The following CHODL variants were observed in gnomAD, a reference collection of about 807,000 sequenced individuals.
The protein encoded by CHODL is chondrolectin, also known as transmembrane protein MT75.
In CHODL, 29 loss-of-function variants were observed where a neutral mutation model predicts 34.5. The observed-to-expected ratio is 0.84, with a 90% CI of 0.63 to 1.15. The LOEUF is 1.15. CHODL is among the 50% of genes most tolerant of loss of function. The pLI is 0.00. For missense variants in CHODL, 332 were observed against 332.5 expected (o/e 1.00, Z 0.01); for synonymous variants, 125 against 116.1 (o/e 1.08, Z -0.49).
chr21:18,120,124 T>C (rs1477136287), intron 2 of CHODL, among the ~76,000 whole-genome samples: 2 of 152,142 alleles, frequency 1.3e-5, no homozygotes, highest in Non-Finnish European at 2.9e-5. Context: ...TAAAGATATA[T>C]ATTTGTAGAT....
intron 2 of CHODL, among the ~76,000 whole-genome samples, chr21:18,145,364 G>C (rs2072865176): frequency 6.8e-6 from 1 of 147,836 alleles, no homozygotes; most frequent in Non-Finnish European, 1.5e-5. Context: ...GTGAACCCGG[G>C]AGGCGGAGCT....
At chr21:18,056,409 T>C (rs1439039322) in intron 2 of CHODL, among the ~76,000 whole-genome samples, 1 of 151,600 alleles carries the variant, frequency 6.6e-6, no homozygotes, top group African/African-American at 2.4e-5. Flanking sequence ...ATTTGTAGAA[T>C]CTTTTCTTTG....
chr21:18,202,725 T>C (rs560430936), intron 2 of CHODL, among the ~76,000 whole-genome samples: 1 of 152,374 alleles, frequency 6.6e-6, no homozygotes, highest in South Asian at 2.1e-4. Context: ...TCATGTTTCT[T>C]AGTGATTTTA....
At chr21:18,177,410 T>C (rs2073329402) in intron 2 of CHODL, among the ~76,000 whole-genome samples, 1 of 152,124 alleles carries the variant, frequency 6.6e-6, no homozygotes, top group South Asian at 2.1e-4. Flanking sequence ...ATATAGATAT[T>C]TATTGTTTGC....
intron 1 of CHODL, chr21:18,245,761 C>T (rs953285835): frequency 8.3e-5 from 54 of 647,006 alleles, no homozygotes; most frequent in Non-Finnish European, 1.2e-4. Flanking sequence ...TTTCTGTGAC[C>T]AGATCAGTTC....
intron 1 of CHODL, among the ~76,000 whole-genome samples, chr21:17,971,003 G>A (rs1036304388): frequency 6.6e-6 from 1 of 152,074 alleles, no homozygotes. Flanking sequence ...CTGTTGGTGT[G>A]TTAGTTTGCT....
chr21:18,052,889 A>AGGG (rs2064534007), intron 2 of CHODL, among the ~76,000 whole-genome samples: 5 of 146,986 alleles, frequency 3.4e-5, no homozygotes, highest in African/African-American at 1.3e-4. Context: ...GCGAAGGGGT[A>AGGG]AATGTTTTAG....
At chr21:18,131,162 G>C (rs1250348403) in intron 2 of CHODL, among the ~76,000 whole-genome samples, 1 of 152,024 alleles carries the variant, frequency 6.6e-6, no homozygotes, top group Non-Finnish European at 1.5e-5. Context: ...CAGAGAGAGA[G>C]AGAGAGATTG....
At chr21:18,155,173 G>A (rs77520715) in intron 2 of CHODL, among the ~76,000 whole-genome samples, 2,016 of 152,200 alleles carry the variant, frequency 0.013, 19 homozygotes, top group Non-Finnish European at 0.02. Flanking sequence ...TCATAATTGG[G>A]AAACAAATGA....
chr21:18,225,804 A>T (rs1238580683), intron 2 of CHODL, among the ~76,000 whole-genome samples: 1 of 152,156 alleles, frequency 6.6e-6, no homozygotes, highest in Non-Finnish European at 1.5e-5. Context: ...TAGAAACCAG[A>T]CACATAACAG....
intron 2 of CHODL, among the ~76,000 whole-genome samples, chr21:18,171,907 T>A (rs1435612599): frequency 1.3e-5 from 2 of 152,134 alleles, no homozygotes; most frequent in South Asian, 2.1e-4. Context: ...CCTTCCTTAT[T>A]CCAAGGGACT....
intron 2 of CHODL, among the ~76,000 whole-genome samples, chr21:18,096,940 GCT>G (rs1350539375): frequency 2.6e-5 from 4 of 151,968 alleles, no homozygotes; most frequent in Non-Finnish European, 5.9e-5. Context: ...CTCTGTTTGT[GCT>G]CTTTCTCTTT....
chr21:18,009,898 A>AAAAAAAAAAC (rs1381476337), intron 1 of CHODL, among the ~76,000 whole-genome samples: 1 of 149,766 alleles, frequency 6.7e-6, no homozygotes, highest in African/African-American at 2.5e-5. Context: ...AAAAAAAAAA[A>AAAAAAAAAAC]AATAACATTT....
chr21:18,146,708 C>T lies in CHODL; in HGVS notation c.-44-109801C>T, dbSNP rs79044918. Among the ~76,000 whole-genome samples, 143 of 152,314 alleles carry T rather than the reference C, an allele frequency of 9.4e-4. No individual in the cohort carries two copies. In the East Asian group the frequency reaches 0.018, roughly 20 times the overall value. ...TGAAAACAAACTAATACAGTACTTA[C>T]ACATTTTTTACCGATATCTCTCATC... On this transcript the variant is annotated intron_variant, in intron 2 of 6. Coordinates refer to the CHODL transcript ENST00000400127.
At chr21:17,963,741 T>G (rs1458903075) in intron 1 of CHODL, among the ~76,000 whole-genome samples, 2 of 152,114 alleles carry the variant, frequency 1.3e-5, no homozygotes, top group Non-Finnish European at 2.9e-5. Context: ...TTTTTTTCTG[T>G]GCCATTGGTT....
intron 2 of CHODL, among the ~76,000 whole-genome samples, chr21:18,169,654 C>T (rs1307441079): frequency 6.6e-6 from 1 of 151,818 alleles, no homozygotes; most frequent in African/African-American, 2.4e-5. Context: ...TTGTTTATTT[C>T]CACTGATTTA....
intron 2 of CHODL, among the ~76,000 whole-genome samples, chr21:18,169,434 CT>C (rs146924561): frequency 0.019 from 2,797 of 148,430 alleles, 77 homozygotes; most frequent in African/African-American, 0.061. Flanking sequence ...TTTTCTTGAT[CT>C]TTTTTTTTTA....
At chr21:18,203,162 T>C (rs917309258) in intron 2 of CHODL, among the ~76,000 whole-genome samples, 1 of 152,166 alleles carries the variant, frequency 6.6e-6, no homozygotes, top group African/African-American at 2.4e-5. Flanking sequence ...AGAACTTTGT[T>C]TTGCTTAAAT....
chr21:17,942,499 TCC>T (rs1235208114), intron 1 of CHODL, among the ~76,000 whole-genome samples: 1 of 152,208 alleles, frequency 6.6e-6, no homozygotes, highest in Non-Finnish European at 1.5e-5. Context: ...GAACTGTGAG[TCC>T]ATTAAACTTC....
Sources: gnomAD v4.1 joint callset for allele counts (sites outside exome capture counted in the v4.1 genomes callset) on GRCh38, gnomAD v4.1.1 for gene constraint, MANE v1.5 for transcripts, NCBI Gene and HGNC (gene_info 2026-07-23, HGNC 2026-07-21) for gene names.